NAPB: variants seen among roughly 807,000 people sequenced by gnomAD.
NAPB encodes beta-soluble NSF attachment protein.
Under a neutral mutation model 44.7 loss-of-function variants are expected in NAPB, and 26 were observed. The ratio of observed to expected loss-of-function variants is 0.58; its 90% CI spans 0.43 to 0.81. NAPB has a LOEUF of 0.81. Ranked by LOEUF, NAPB falls within the 30% of genes least tolerant of loss-of-function variation. NAPB has a pLI of 0.00. For synonymous variants in NAPB, 120 were observed against 116.8 expected (o/e 1.03, Z -0.18); for missense variants, 315 against 356.4 (o/e 0.88, Z 0.94).
At chr20:23,385,957 T>C (rs1983486238) in intron 7 of NAPB, among the ~76,000 whole-genome samples, 2 of 151,918 alleles carry the variant, frequency 1.3e-5, no homozygotes, top group South Asian at 2.1e-4. Flanking sequence ...AGAATTGAAA[T>C]CACGCAAAAA....
chr20:23,421,104 G>A (rs771985955), intron 1 of NAPB, among the ~76,000 whole-genome samples: 7 of 151,640 alleles, frequency 4.6e-5, no homozygotes, highest in Non-Finnish European at 8.9e-5. Context: ...TGCGGACTGA[G>A]GGCCCCTGGG....
chr20:23,420,626 CG>C (rs1266132367), intron 1 of NAPB, among the ~76,000 whole-genome samples: 5 of 152,102 alleles, frequency 3.3e-5, no homozygotes, highest in African/African-American at 1.2e-4. Flanking sequence ...CGGGCTTCAG[CG>C]TGGCGAAATG....
intron 5 of NAPB, among the ~76,000 whole-genome samples, chr20:23,392,942 C>A (rs1984079606): frequency 1.3e-5 from 2 of 152,180 alleles, no homozygotes; most frequent in Non-Finnish European, 2.9e-5. Context: ...GCACTGCAGG[C>A]TCCTGCCCCA....
intron 7 of NAPB, among the ~76,000 whole-genome samples, chr20:23,383,021 G>T (rs551759246): frequency 6.6e-6 from 1 of 152,190 alleles, no homozygotes; most frequent in South Asian, 2.1e-4. Context: ...CAGGTGTGGT[G>T]GCAAGCACCT....
rs769378338 is a variant in NAPB, at chr20:23,421,418, C to T, written c.-16G>A. 1 of 1,541,038 alleles carries T rather than the reference C, an allele frequency of 6.5e-7. No individual in the cohort carries two copies. The highest frequency in any genetic ancestry group is 1.2e-5 in the South Asian group (1 of 83,474). Reference sequence around the variant, plus strand: ...CGTTGTCCATGTCGCCCGCCGCGGCCGCCACAGCCCCCTCAGCCGGCTCGC... The same window carrying T: ...CGTTGTCCATGTCGCCCGCCGCGGCTGCCACAGCCCCCTCAGCCGGCTCGC... On this transcript the variant is annotated 5_prime_UTR_variant, in exon 1 of 11. Transcript: ENST00000377026.
At chr20:23,392,984 G>A (rs755957718) in intron 5 of NAPB, among the ~76,000 whole-genome samples, 2 of 152,210 alleles carry the variant, frequency 1.3e-5, no homozygotes, top group African/African-American at 2.4e-5. Flanking sequence ...GAAAGAGGAA[G>A]CTGGAACAGG....
intron 1 of NAPB, among the ~76,000 whole-genome samples, chr20:23,409,189 G>C (rs1343895941): frequency 2.6e-5 from 4 of 152,172 alleles, no homozygotes; most frequent in African/African-American, 9.7e-5. Flanking sequence ...TACCAGTAAG[G>C]GGAGCGCTGT....
chr20:23,392,175 C>T (rs1984009162), intron 5 of NAPB, among the ~76,000 whole-genome samples: 1 of 152,212 alleles, frequency 6.6e-6, no homozygotes, highest in African/African-American at 2.4e-5. Flanking sequence ...CCTCACAGAG[C>T]CCACATTTTA....
intron 2 of NAPB, among the ~76,000 whole-genome samples, chr20:23,399,314 T>C (rs1984647229): frequency 6.6e-6 from 1 of 151,410 alleles, no homozygotes; most frequent in African/African-American, 2.4e-5. Flanking sequence ...TTTGGGGGAG[T>C]GATAAAGTCA....
chr20:23,421,394 G>C lies in NAPB; in HGVS notation c.9C>G (p.Asn3Lys), dbSNP rs770705653. Residue 3 changes from asparagine (N) to lysine (K), a missense_variant, in exon 1 of 11, where the codon AAC becomes AAG. Physicochemically the swap from Asn to Lys is moderately conservative, Grantham distance 94. Transcript: ENST00000377026. MD[N>K]AGKEREAVQL... is the part of the protein sequence containing the mutation. ...GTACTGCCTCACGCTCCTTCCCCGC[G>C]TTGTCCATGTCGCCCGCCGCGGCCG... 2.6e-6 allele frequency: 4 copies of C among 1,545,662 alleles called. No individual in the cohort carries two copies. Among genetic ancestry groups the C allele is most frequent in the African/African-American group, 1.4e-5 (1 of 71,978 alleles).
At chr20:23,417,466 G>C (rs1271624791) in intron 1 of NAPB, among the ~76,000 whole-genome samples, 1 of 152,092 alleles carries the variant, frequency 6.6e-6, no homozygotes, top group Non-Finnish European at 1.5e-5. Flanking sequence ...AAGATGGAGG[G>C]GATAGTATTA....
In NAPB at chr20:23,397,172, A is replaced by C. The variant is rs2123198766; in HGVS notation, c.195T>G (p.Phe65Leu). The C allele has an allele frequency of 4.3e-6, 7 of 1,612,240 alleles. No individual in the cohort carries two copies. Among genetic ancestry groups the C allele is most frequent in the Non-Finnish European group, 5.9e-6 (7 of 1,178,636 alleles). ...GCATGTGGAGCTTGGCTGCCTGACAAAATGCGTTTCCTGCAGCTGAAGAAG... is the reference window on the plus strand; with the variant it reads ...GCATGTGGAGCTTGGCTGCCTGACACAATGCGTTTCCTGCAGCTGAAGAAG... The part of the protein sequence containing the change: ...AKNWSAAGNA[F>L]CQAAKLHMQL... The change falls in exon 3 of 11, where the codon TTT becomes TTG. Residue 65 changes from phenylalanine (F) to leucine (L), a missense_variant. By Grantham distance (22) the Phe-to-Leu change is conservative. Around this residue, in one of 3 missense-constraint regions of NAPB, gnomAD observed 179 missense variants for 182.5 expected, o/e 0.98. Coordinates refer to ENST00000377026, the MANE Select transcript of NAPB (RefSeq NM_022080.3).
intron 5 of NAPB, among the ~76,000 whole-genome samples, chr20:23,392,761 G>A (rs917568921): frequency 2.0e-5 from 3 of 151,766 alleles, no homozygotes. Context: ...GGGCTCAAGT[G>A]ATCCTCCTGC....
intron 10 of NAPB, 61 bp downstream of exon 10, chr20:23,379,384 A>G: frequency 7.7e-7 from 1 of 1,290,732 alleles, no homozygotes; most frequent in East Asian, 2.3e-5. Context: ...ATGAAAAGGA[A>G]AAGAAGTTTC....
Position 23,403,016 on chromosome 20 carries a change from A to T in NAPB, c.155T>A (p.Phe52Tyr), listed in dbSNP as rs1984962027. 2 of 1,613,764 alleles carry T rather than the reference A, an allele frequency of 1.2e-6. No homozygotes were observed. The highest frequency in any genetic ancestry group is 8.5e-7 in the Non-Finnish European group (1 of 1,179,908). Residue 52 changes from phenylalanine (F) to tyrosine (Y), a missense_variant, in exon 2 of 11, where the codon TTC becomes TAC. Physicochemically the swap from Phe to Tyr is conservative, Grantham distance 22. Around this residue, in one of 3 missense-constraint regions of NAPB, gnomAD observed 179 missense variants for 182.5 expected, o/e 0.98. Coordinates refer to ENST00000377026, the MANE Select transcript of NAPB (RefSeq NM_022080.3). Reference sequence around the variant, plus strand: ...ACCACTCCAATTTTTAGCCATCTTGAACATATTTGCAGCTCTGGTATACAT... The same window carrying T: ...ACCACTCCAATTTTTAGCCATCTTGTACATATTTGCAGCTCTGGTATACAT... The part of the protein sequence containing the change: ...CEMYTRAANM[F>Y]KMAKNWSAAG...
intron 1 of NAPB, among the ~76,000 whole-genome samples, chr20:23,414,010 T>A (rs1305619172): frequency 6.6e-6 from 1 of 151,938 alleles, no homozygotes; most frequent in African/African-American, 2.4e-5. Flanking sequence ...GATAAAACAA[T>A]CCTAAATCAT....
chr20:23,378,269 A>T (rs1305674239), intron 10 of NAPB, among the ~76,000 whole-genome samples: 1 of 151,812 alleles, frequency 6.6e-6, no homozygotes, highest in Non-Finnish European at 1.5e-5. Flanking sequence ...GGGTGCAGTG[A>T]GCCGTGATCA....
rs1172598204 is a variant in NAPB, at chr20:23,410,486, A to C, written c.99-7414T>G. On this transcript the variant is annotated intron_variant, in intron 1 of 10. Transcript: ENST00000377026. The stretch of plus-strand genomic sequence containing the variant: ...TGTTTTCACTTATAAGTGGTAGCTA[A>C]ACACTGGATACCCATGGGCATAAAA... 3.9e-5 allele frequency among the ~76,000 whole-genome samples: 6 copies of C among 152,242 alleles called. No homozygotes were observed. In the East Asian group the frequency reaches 1.2e-3, roughly 29 times the overall value.
chr20:23,405,382 C>T (rs1985173319), intron 1 of NAPB, among the ~76,000 whole-genome samples: 1 of 152,046 alleles, frequency 6.6e-6, no homozygotes, highest in Admixed American at 6.5e-5. Context: ...AACGCATATC[C>T]ACACAAAAAC....
Sources: allele counts gnomAD v4.1 joint callset (sites outside exome capture counted in the v4.1 genomes callset), GRCh38; gene constraint gnomAD v4.1.1; regional missense constraint gnomAD v4.1.1; transcripts MANE v1.5; gene names NCBI Gene and HGNC (gene_info 2026-07-23, HGNC 2026-07-21).